Variants in CLOCK observed in about 807,000 individuals in gnomAD.
CLOCK encodes the protein clock circadian regulator, also known as circadian locomoter output cycles protein kaput.
CLOCK carries 43 observed loss-of-function variants against 118.4 expected under a neutral mutation model. The ratio of observed to expected loss-of-function variants is 0.36; its 90% CI spans 0.28 to 0.47. The LOEUF is 0.47. Among genes scored for constraint, CLOCK ranks in the 20% least tolerant of loss-of-function variants. The pLI is 1.00. For synonymous variants in CLOCK, 326 were observed against 339.2 expected, an observed-to-expected ratio of 0.96 and a Z score of 0.43; for missense variants, 846 against 999.9, an observed-to-expected ratio of 0.85 and a Z score of 2.08.
chr4:55,463,837 T>C, intron 8 of CLOCK, 32 bp from the exon 9 acceptor site: 1 of 1,579,876 alleles, frequency 6.3e-7, no homozygotes, highest in Non-Finnish European at 8.7e-7. Context: ...GTAAAATAAC[T>C]TCAATGATTC....
intron 1 of CLOCK, among the ~76,000 whole-genome samples, chr4:55,522,930 C>CAG (rs960133879): frequency 6.6e-5 from 10 of 152,102 alleles, no homozygotes; most frequent in African/African-American, 1.9e-4. Context: ...TCCTACTGGC[C>CAG]AGAGACAGGC....
At chr4:55,534,929 A>ATTTTT (rs34133453) in intron 1 of CLOCK, among the ~76,000 whole-genome samples, 1 of 134,246 alleles carries the variant, frequency 7.4e-6, no homozygotes, top group Non-Finnish European at 1.6e-5. Context: ...TAAAGTGAGA[A>ATTTTT]TTTTTTTTTT....
intron 1 of CLOCK, among the ~76,000 whole-genome samples, chr4:55,522,570 A>G (rs1397249294): frequency 6.6e-6 from 1 of 152,142 alleles, no homozygotes; most frequent in Non-Finnish European, 1.5e-5. Flanking sequence ...TGAACAGAAT[A>G]AGTAGTTGGA....
Position 55,432,216 on chromosome 4 carries a change from A to G in CLOCK, c.*3199T>C, listed in dbSNP as rs1344248607. ...CCCATACTTTTCTCCAATATTTTCC[A>G]TTCAAAAAATGAAGTACTTTTTAAG... is the stretch of plus-strand genomic sequence containing the variant. On this transcript the variant is annotated 3_prime_UTR_variant, in exon 23 of 23. Coordinates refer to ENST00000513440, the MANE Select transcript of CLOCK (RefSeq NM_004898.4). The G allele has an allele frequency of 6.6e-6, 1 of 152,110 alleles. No homozygotes were observed. Among genetic ancestry groups the G allele is most frequent in the Non-Finnish European group, 1.5e-5 (1 of 68,004 alleles). 9.4% of individuals were successfully genotyped at this position (152,110 alleles called of 1,614,324 possible). A position where few individuals can be genotyped will look rare whatever the true frequency, so the allele number is the denominator to read the frequency against.
intron 6 of CLOCK, among the ~76,000 whole-genome samples, chr4:55,476,732 C>G (rs930512337): frequency 3.3e-5 from 5 of 152,114 alleles, no homozygotes; most frequent in African/African-American, 1.2e-4. Context: ...TTTTATTTCA[C>G]TACATACTTC....
At chr4:55,502,907 CTTT>C (rs1347571712) in intron 2 of CLOCK, among the ~76,000 whole-genome samples, 2 of 152,146 alleles carry the variant, frequency 1.3e-5, no homozygotes, top group African/African-American at 2.4e-5. Context: ...TATTCTAAGC[CTTT>C]TAAATCATCA....
intron 7 of CLOCK, among the ~76,000 whole-genome samples, chr4:55,471,121 T>C (rs1387217979): frequency 6.6e-6 from 1 of 152,184 alleles, no homozygotes; most frequent in Non-Finnish European, 1.5e-5. Flanking sequence ...ATGGCTTATT[T>C]GAAGATGCTA....
At chr4:55,470,521 T>A (rs573016212) in intron 8 of CLOCK, among the ~76,000 whole-genome samples, 196 bp downstream of exon 8, 14 of 151,514 alleles carry the variant, frequency 9.2e-5, no homozygotes, top group African/African-American at 3.4e-4. Flanking sequence ...ATAACTATAG[T>A]TGAATATTAA....
At chr4:55,522,800 TAC>T (rs1162227262) in intron 1 of CLOCK, among the ~76,000 whole-genome samples, 1 of 152,016 alleles carries the variant, frequency 6.6e-6, no homozygotes, top group African/African-American at 2.4e-5. Flanking sequence ...CACACACAAA[TAC>T]ACACACTCAT....
intron 1 of CLOCK, among the ~76,000 whole-genome samples, chr4:55,535,056 G>A (rs1038475629): frequency 4.0e-5 from 6 of 151,650 alleles, no homozygotes; most frequent in Non-Finnish European, 7.4e-5. Context: ...AGCCTCCTGA[G>A]TAGGTGGGAT....
rs1722353128 is a variant in CLOCK, at chr4:55,428,973, C to CA, written c.*6441_*6442insT. The CA allele has an allele frequency of 8.0e-6, 1 of 125,750 alleles. No homozygotes were observed. Among genetic ancestry groups the CA allele is most frequent in the African/African-American group, 2.9e-5 (1 of 33,912 alleles). 7.8% of individuals were successfully genotyped at this position (125,750 alleles called of 1,614,324 possible). ...ATGGTAACTGTTCTGGCTGACACATCTTTTTTTTTTTTTTTTTTTTTAAAA... is the reference window on the plus strand; with the variant it reads ...ATGGTAACTGTTCTGGCTGACACATCATTTTTTTTTTTTTTTTTTTTTAAAA... On this transcript the variant is annotated 3_prime_UTR_variant, in exon 23 of 23. Coordinates refer to ENST00000513440, the MANE Select transcript of CLOCK (RefSeq NM_004898.4).
intron 8 of CLOCK, among the ~76,000 whole-genome samples, chr4:55,470,126 A>C (rs1350711305): frequency 1.3e-5 from 2 of 152,196 alleles, no homozygotes; most frequent in African/African-American, 4.8e-5. Flanking sequence ...AAGTCTATAA[A>C]GGTGTACAGT....
At chr4:55,505,297 A>G (rs1032759721) in intron 2 of CLOCK, among the ~76,000 whole-genome samples, 4 of 152,138 alleles carry the variant, frequency 2.6e-5, no homozygotes, top group African/African-American at 9.7e-5. Context: ...TGAAAAAAAA[A>G]GGGGACTATA....
chr4:55,510,797 T>G (rs1729099256), intron 1 of CLOCK, among the ~76,000 whole-genome samples: 2 of 151,922 alleles, frequency 1.3e-5, no homozygotes. Flanking sequence ...AATATGACAT[T>G]TGTGTGGAAG....
Position 55,523,616 on chromosome 4 carries a change from A to G in CLOCK, c.-289-13551T>C, listed in dbSNP as rs187614913. Among the ~76,000 whole-genome samples the G allele has an allele frequency of 2.9e-3, 440 of 152,328 alleles. 2 individuals carry two copies. Among genetic ancestry groups the G allele is most frequent in the Non-Finnish European group, 4.9e-3 (336 of 68,036 alleles). On this transcript the variant is annotated intron_variant, in intron 1 of 22. Coordinates refer to ENST00000513440, the MANE Select transcript of CLOCK (RefSeq NM_004898.4). Reference sequence around the variant, plus strand: ...TCTGAATGCAACTGGCTGATCATCCATGCACGAATCTGGAACATAATCATC... The same window carrying G: ...TCTGAATGCAACTGGCTGATCATCCGTGCACGAATCTGGAACATAATCATC...
chr4:55,500,646 G>A (rs538589949), intron 2 of CLOCK, among the ~76,000 whole-genome samples: 1 of 151,958 alleles, frequency 6.6e-6, no homozygotes, highest in South Asian at 2.1e-4. Flanking sequence ...CCATAGCATC[G>A]GCCTAACCGG....
At chr4:55,498,088 T>A (rs1728200531) in intron 2 of CLOCK, among the ~76,000 whole-genome samples, 1 of 152,162 alleles carries the variant, frequency 6.6e-6, no homozygotes, top group Non-Finnish European at 1.5e-5. Context: ...ATGCTAGGTT[T>A]AGAGCTAATT....
At chr4:55,479,724 T>G (rs370373762) in intron 4 of CLOCK, 25 bp from the exon 5 acceptor site, 10 of 1,592,362 alleles carry the variant, frequency 6.3e-6, no homozygotes, top group Non-Finnish European at 8.6e-6. Flanking sequence ...ATAGAGAAAG[T>G]AAGAGCAGAC....
chr4:55,503,978 T>TAAAAGAAAAAAAAAACAAAAAAA (rs1553900254), intron 2 of CLOCK, among the ~76,000 whole-genome samples: 1 of 71,130 alleles, frequency 1.4e-5, no homozygotes, highest in Non-Finnish European at 2.5e-5. Context: ...CAAAAAGAGG[T>TAAAAGAAAAAAAAAACAAAAAAA]AAAAAAAAAA....
Sources: allele counts gnomAD v4.1 joint callset (sites outside exome capture counted in the v4.1 genomes callset), GRCh38; gene constraint gnomAD v4.1.1; transcripts MANE v1.5; gene names NCBI Gene and HGNC (gene_info 2026-07-23, HGNC 2026-07-21).